STYXL1: variants seen among roughly 807,000 people sequenced by gnomAD.
STYXL1 encodes serine/threonine/tyrosine-interacting-like protein 1.
A neutral mutation model predicts 36.4 loss-of-function variants in STYXL1; 32 were observed. The observed-to-expected ratio is 0.88, with a 90% CI of 0.66 to 1.18. STYXL1 has a LOEUF of 1.18. Ranked by LOEUF, STYXL1 falls within the 50% of genes most tolerant of loss-of-function variation. The pLI is 0.00. For missense variants in STYXL1, 354 were observed against 394.1 expected (o/e 0.90, Z 0.86); for synonymous variants, 133 against 144.1 (o/e 0.92, Z 0.55).
chr7:76,002,205 A>G (rs1320408497), intron 7 of STYXL1, among the ~76,000 whole-genome samples: 4 of 152,158 alleles, frequency 2.6e-5, no homozygotes, highest in South Asian at 2.1e-4. Flanking sequence ...GGATCACAGT[A>G]TACTACCTAC....
chr7:76,029,739 T>G (rs1554578691), intron 2 of STYXL1, among the ~76,000 whole-genome samples: 1 of 152,136 alleles, frequency 6.6e-6, no homozygotes, highest in Non-Finnish European at 1.5e-5. Flanking sequence ...AGGCATTAGA[T>G]TCTCACAAGG....
At chr7:76,046,346 G>A (rs545193267) in intron 1 of STYXL1, among the ~76,000 whole-genome samples, 5 of 52,504 alleles carry the variant, frequency 9.5e-5, no homozygotes, top group East Asian at 1.4e-3. Flanking sequence ...GTGTGCGCGC[G>A]CGCGCGCGCG....
rs115462089 is a variant in STYXL1 at position 75,998,033 on chromosome 7, G to A, written c.811-1434C>T. On this transcript the variant is annotated intron_variant, in intron 8 of 8. Transcript: ENST00000359697. ...CAATACAACTCAAAGTAATCCACAG[G>A]TTTAAGGCAATCCCTATCAAAATCC... 6.6e-3 allele frequency among the ~76,000 whole-genome samples: 1,011 copies of A among 152,244 alleles called. 13 individuals carry two copies. The highest frequency in any genetic ancestry group is 0.021 in the African/African-American group (877 of 41,520).
Position 76,030,496 on chromosome 7 carries a change from T to G in STYXL1, c.28A>C (p.Thr10Pro). Reference sequence around the variant, plus strand: ...TGATTCAGGATGTTGTAAAGCTCTGTTGGTTCACATAAAAGCAAACCAGGC... The same window carrying G: ...TGATTCAGGATGTTGTAAAGCTCTGGTGGTTCACATAAAAGCAAACCAGGC... MPGLLLCEPTELYNILNQAT... is the reference protein window; with the variant it reads MPGLLLCEPPELYNILNQAT... The change falls in exon 2 of 9, where the codon ACA becomes CCA. Residue 10 changes from threonine to proline, a missense_variant. Coordinates refer to ENST00000359697, the MANE Select transcript of STYXL1 (RefSeq NM_001317785.2). The G allele has an allele frequency of 6.2e-7, 1 of 1,614,000 alleles. No homozygotes were observed. Among genetic ancestry groups the G allele is most frequent in the Non-Finnish European group, 8.5e-7 (1 of 1,179,856 alleles).
chr7:76,042,573 AT>A (rs1393880424), intron 1 of STYXL1, among the ~76,000 whole-genome samples: 5 of 150,712 alleles, frequency 3.3e-5, no homozygotes, highest in African/African-American at 1.2e-4. Flanking sequence ...CTCCCGGCTA[AT>A]TTTTTGTATT....
chr7:76,017,412 C>T (rs544158647), intron 4 of STYXL1, among the ~76,000 whole-genome samples: 1 of 152,216 alleles, frequency 6.6e-6, no homozygotes, highest in Admixed American at 6.5e-5. Flanking sequence ...TCTGCAGCAC[C>T]ATGGATGGAG....
intron 4 of STYXL1, among the ~76,000 whole-genome samples, chr7:76,016,422 CACATATAT>C (rs1404279103): frequency 2.0e-5 from 3 of 146,474 alleles, no homozygotes; most frequent in Non-Finnish European, 3.0e-5. Context: ...TATACGTATA[CACATATAT>C]ACATATATAC....
At chr7:76,022,103 C>T (rs1794152388) in intron 3 of STYXL1, 111 bp from the exon 4 acceptor site, 15 of 1,504,968 alleles carry the variant, frequency 1.0e-5, no homozygotes, top group Non-Finnish European at 1.3e-5. Context: ...GCACTCTCTC[C>T]CCTGACTATA....
intron 5 of STYXL1, among the ~76,000 whole-genome samples, chr7:76,012,258 C>T (rs577092052): frequency 3.3e-5 from 5 of 152,080 alleles, no homozygotes; most frequent in African/African-American, 4.8e-5. Context: ...AGGTGTGAGT[C>T]GCCACACCTG....
chr7:76,019,927 CAAAAAAAAAA>C (rs58018497), intron 4 of STYXL1, among the ~76,000 whole-genome samples: 1 of 82,346 alleles, frequency 1.2e-5, no homozygotes, highest in South Asian at 3.9e-4. Context: ...GACCCTGACT[CAAAAAAAAAA>C]AAAAAAAAAG....
intron 3 of STYXL1, among the ~76,000 whole-genome samples, chr7:76,027,522 G>A (rs1295198966): frequency 2.6e-5 from 4 of 151,566 alleles, no homozygotes; most frequent in African/African-American, 9.7e-5. Flanking sequence ...TACTCAGGAG[G>A]CTGAGATAGG....
At chr7:75,999,288 A>G (rs1554565494) in intron 8 of STYXL1, among the ~76,000 whole-genome samples, 1 of 152,258 alleles carries the variant, frequency 6.6e-6, no homozygotes, top group African/African-American at 2.4e-5. Context: ...AGGAACTTAT[A>G]TAAGGTACCT....
At chr7:76,016,480 C>G (rs539850172) in intron 4 of STYXL1, among the ~76,000 whole-genome samples, 1 of 151,760 alleles carries the variant, frequency 6.6e-6, no homozygotes, top group South Asian at 2.1e-4. Context: ...CATATATATA[C>G]ACGTATATAT....
At chr7:76,028,155 C>G (rs1394186879) in intron 3 of STYXL1, among the ~76,000 whole-genome samples, 1 of 152,202 alleles carries the variant, frequency 6.6e-6, no homozygotes, top group East Asian at 1.9e-4. Flanking sequence ...ATGTCTCAGC[C>G]TCCTGAGTAG....
intron 4 of STYXL1, 112 bp downstream of exon 4, chr7:76,021,739 T>C: frequency 1.3e-6 from 1 of 779,712 alleles, no homozygotes; most frequent in Non-Finnish European, 2.2e-6. Flanking sequence ...CCCTGCTGTC[T>C]CAGTGTCATT....
chr7:76,013,267 A>G (rs13226053), intron 5 of STYXL1, among the ~76,000 whole-genome samples: 139,224 of 142,352 alleles, frequency 0.98, 68,089 homozygotes, highest in East Asian at 1. Flanking sequence ...CAGAGCTTGC[A>G]GTGAGCCAAG....
At chr7:76,038,264 GAAC>G (rs1480826773) in intron 1 of STYXL1, among the ~76,000 whole-genome samples, 1 of 149,088 alleles carries the variant, frequency 6.7e-6, no homozygotes, top group Non-Finnish European at 1.5e-5. Flanking sequence ...TTCCGGAAGA[GAAC>G]AATGGGGAAG....
intron 1 of STYXL1, among the ~76,000 whole-genome samples, chr7:76,041,668 A>G (rs1473926980): frequency 6.6e-6 from 1 of 152,230 alleles, no homozygotes. Flanking sequence ...GGAACTTCCT[A>G]GCCTCCAGAA....
intron 3 of STYXL1, among the ~76,000 whole-genome samples, chr7:76,023,512 C>T (rs1477437082): frequency 6.6e-6 from 1 of 152,006 alleles, no homozygotes; most frequent in African/African-American, 2.4e-5. Flanking sequence ...CACGGGCATG[C>T]ACCACCATAC....
Sources: allele counts gnomAD v4.1 joint callset (sites outside exome capture counted in the v4.1 genomes callset), GRCh38; gene constraint gnomAD v4.1.1; transcripts MANE v1.5; gene names NCBI Gene and HGNC (gene_info 2026-07-23, HGNC 2026-07-21).